The following ACVR1B variants were observed in gnomAD, a reference collection of about 807,000 sequenced individuals.
The protein encoded by ACVR1B is activin receptor type-1B.
A neutral mutation model predicts 55.6 loss-of-function variants in ACVR1B; 15 were observed. That is an observed-to-expected ratio of 0.27 (90% CI 0.18 to 0.42). The LOEUF is 0.42. ACVR1B is among the 10% of genes least tolerant of loss of function. The pLI, the probability that ACVR1B is intolerant of heterozygous loss-of-function variation, is 1.00. For missense variants in ACVR1B, 359 were observed against 670.1 expected, an observed-to-expected ratio of 0.54 and a Z score of 5.13; for synonymous variants, 247 against 254.6, an observed-to-expected ratio of 0.97 and a Z score of 0.28.
At chr12:51,989,737 G>T (rs554031113) in intron 7 of ACVR1B, among the ~76,000 whole-genome samples, 1 of 152,276 alleles carries the variant, frequency 6.6e-6, no homozygotes, top group African/African-American at 2.4e-5. Context: ...TGTAATCTCA[G>T]CACTTTTGGA....
rs1163944317 is a variant in ACVR1B, at chr12:51,985,297, C to T, written c.1085C>T (p.Ala362Val). 6.2e-7 allele frequency: 1 copy of T among 1,613,628 alleles called. No homozygotes were observed. Among genetic ancestry groups the T allele is most frequent in the Non-Finnish European group, 8.5e-7 (1 of 1,179,878 alleles). The change falls in exon 6 of 9, where the codon GCA (alanine) becomes GTA (valine). Residue 362 changes from alanine to valine, a missense_variant. Ala to Val is a moderately conservative substitution (Grantham distance 64). This residue lies in a region of ACVR1B where 119 missense variants were observed against 340.2 expected (regional missense o/e 0.35). Transcript: ENST00000257963. ...CTGGGCCTGGCTGTCCGTCATGATG[C>T]AGTCACTGACACCATTGACATTGCC... The part of the protein sequence containing the change: ...ADLGLAVRHD[A>V]VTDTIDIAPN...
chr12:51,976,512 C>G lies in ACVR1B; in HGVS notation c.517C>G (p.Leu173Val). The change falls in exon 3 of 9, where the codon CTC (leucine) becomes GTC (valine). Residue 173 changes from leucine to valine, a missense_variant. By Grantham distance (32) the Leu-to-Val change is conservative (BLOSUM62 1). This residue lies in a region of ACVR1B where 133 missense variants were observed against 188.2 expected (regional missense o/e 0.71). Coordinates refer to ENST00000257963, the MANE Select transcript of ACVR1B (RefSeq NM_004302.5). Reference protein sequence around the residue: ...DMEDPSCEMCLSKDKTLQDLV... With the variant: ...DMEDPSCEMCVSKDKTLQDLV... ...GGAAGATCCCTCATGTGAGATGTGT[C>G]TCTCCAAAGACAAGACGCTCCAGGA... 6.2e-7 allele frequency: 1 copy of G among 1,614,126 alleles called. No individual in the cohort carries two copies. The highest frequency in any genetic ancestry group is 8.5e-7 in the Non-Finnish European group (1 of 1,180,038).
At chr12:51,985,779 G>C (rs1942064698) in intron 6 of ACVR1B, among the ~76,000 whole-genome samples, 1 of 152,186 alleles carries the variant, frequency 6.6e-6, no homozygotes. Context: ...ACCCAGGATA[G>C]AGATTTGGGG....
At chr12:51,982,113 G>A (rs1941991947) in intron 4 of ACVR1B, among the ~76,000 whole-genome samples, 1 of 152,194 alleles carries the variant, frequency 6.6e-6, no homozygotes, top group African/African-American at 2.4e-5. Flanking sequence ...GATTAGAGGA[G>A]GTAAACACGA....
In ACVR1B at chr12:51,971,922, C is replaced by G. The variant is rs117245517; in HGVS notation, c.92-3343C>G. ...GTTCAAAGAGGTTAAATGACTTGCC[C>G]AAAGCCATGCAACTAGTTCCTGATA... On this transcript the variant is annotated intron_variant, in intron 1 of 8. Transcript: ENST00000257963. Among the ~76,000 whole-genome samples the G allele has an allele frequency of 1.8e-3, 272 of 152,260 alleles. 1 individual carries two copies. The highest frequency in any genetic ancestry group is 2.8e-3 in the Non-Finnish European group (191 of 68,016).
chr12:51,985,325 G>A lies in ACVR1B; in HGVS notation c.1113G>A (p.Pro371=), dbSNP rs779315922. ...TCACTGACACCATTGACATTGCCCCGAATCAGAGGGTGGGGACCAAACGGT... is the reference window on the plus strand; with the variant it reads ...TCACTGACACCATTGACATTGCCCCAAATCAGAGGGTGGGGACCAAACGGT... The part of the protein sequence containing the change: ...DAVTDTIDIA[P]NQRVGTKRYM... The change falls in exon 6 of 9, where the codon CCG becomes CCA. Residue 371 remains proline (P), a synonymous_variant. Coordinates refer to ENST00000257963, the MANE Select transcript of ACVR1B (RefSeq NM_004302.5). The A allele has an allele frequency of 8.1e-6, 13 of 1,612,764 alleles. No homozygotes were observed. The highest frequency in any genetic ancestry group is 6.6e-5 in the South Asian group (6 of 90,816).
Position 51,988,593 on chromosome 12 carries a change from A to T in ACVR1B, c.1261+1651A>T, listed in dbSNP as rs74411268. 1.9e-3 allele frequency among the ~76,000 whole-genome samples: 285 copies of T among 152,354 alleles called. 9 individuals carry two copies. The East Asian group carries it at 0.049, about 26-fold the overall frequency. On this transcript the variant is annotated intron_variant, in intron 7 of 8. Transcript: ENST00000257963. ...ATAATAATGCTAACATTTATTCACC[A>T]CTTGCTATGTATAAGCTCATTTAAT...
chr12:51,959,655 A>C (rs926053812), intron 1 of ACVR1B, among the ~76,000 whole-genome samples: 5 of 152,198 alleles, frequency 3.3e-5, no homozygotes, highest in Non-Finnish European at 7.3e-5. Flanking sequence ...TGATGGTGAA[A>C]ATAGGTAAAG....
intron 7 of ACVR1B, among the ~76,000 whole-genome samples, chr12:51,991,243 GAAGTT>G (rs1402184644): frequency 6.6e-6 from 1 of 152,152 alleles, no homozygotes; most frequent in Non-Finnish European, 1.5e-5. Flanking sequence ...TGTTTCCATT[GAAGTT>G]ATTTGTCTTA....
intron 7 of ACVR1B, among the ~76,000 whole-genome samples, chr12:51,990,966 C>T (rs998212127): frequency 3.9e-5 from 6 of 152,170 alleles, no homozygotes; most frequent in South Asian, 2.1e-4. Context: ...ACAGGGGTTC[C>T]TCTGTCCTTC....
intron 8 of ACVR1B, among the ~76,000 whole-genome samples, chr12:51,993,642 C>T (rs1592264452): frequency 6.6e-6 from 1 of 151,946 alleles, no homozygotes; most frequent in South Asian, 2.1e-4. Flanking sequence ...TGGTGTGTGC[C>T]TGTAGTCCCA....
Position 51,986,809 on chromosome 12 carries a change from C to T in ACVR1B, c.1137-9C>T. The stretch of plus-strand genomic sequence containing the variant: ...TCTGTGCGTGACCATGTTTGTTTTG[C>T]TATTGCAGATACATGGCCCCTGAAG... On this transcript the variant is annotated splice_polypyrimidine_tract_variant and intron_variant, in intron 6 of 8. Coordinates refer to ENST00000257963, the MANE Select transcript of ACVR1B (RefSeq NM_004302.5). The T allele has an allele frequency of 6.2e-7, 1 of 1,604,736 alleles. No homozygotes were observed. Among genetic ancestry groups the T allele is most frequent in the South Asian group, 1.1e-5 (1 of 89,924 alleles).
At chr12:51,986,143 A>G (rs1942071647) in intron 6 of ACVR1B, among the ~76,000 whole-genome samples, 1 of 152,238 alleles carries the variant, frequency 6.6e-6, no homozygotes, top group African/African-American at 2.4e-5. Flanking sequence ...TACATTCAAT[A>G]AAGTGAAGGA....
rs1002272733 is a variant in ACVR1B at position 51,976,271 on chromosome 12, C to T, written c.332-56C>T. On this transcript the variant is annotated intron_variant, in intron 2 of 8. Coordinates refer to ENST00000257963, the MANE Select transcript of ACVR1B (RefSeq NM_004302.5). Reference sequence around the variant, plus strand: ...CTTCACTTTGAGGGGGGTGTTTTTACTCTTTCCCTTGTTTTTACTTCTCAT... The same window carrying T: ...CTTCACTTTGAGGGGGGTGTTTTTATTCTTTCCCTTGTTTTTACTTCTCAT... 2.5e-6 allele frequency: 4 copies of T among 1,604,254 alleles called. No individual in the cohort carries two copies. The African/African-American group carries it at 5.4e-5, about 22-fold the overall frequency.
chr12:51,983,436 T>A (rs1423396412), intron 4 of ACVR1B, among the ~76,000 whole-genome samples: 2 of 152,208 alleles, frequency 1.3e-5, no homozygotes, highest in Non-Finnish European at 2.9e-5. Flanking sequence ...ATAAAGGAGA[T>A]CTTTCCTACT....
intron 3 of ACVR1B, among the ~76,000 whole-genome samples, chr12:51,980,573 C>G (rs1465646060): frequency 6.6e-6 from 1 of 152,172 alleles, no homozygotes; most frequent in East Asian, 1.9e-4. Flanking sequence ...CCCACACTTT[C>G]ATGTTCTCTG....
chr12:51,979,482 AAG>A (rs61238915), intron 3 of ACVR1B, among the ~76,000 whole-genome samples: 2,531 of 151,202 alleles, frequency 0.017, 19 homozygotes, highest in Non-Finnish European at 0.021. Context: ...AAAAAAAAAA[AAG>A]GAGTCTTGAA....
Position 51,996,061 on chromosome 12 carries a change from G to T in ACVR1B, c.*1951G>T, listed in dbSNP as rs1401090990. On this transcript the variant is annotated 3_prime_UTR_variant, in exon 9 of 9. Coordinates refer to ENST00000257963, the MANE Select transcript of ACVR1B (RefSeq NM_004302.5). ...TTGAGACCAGAAGGTTTCATAATTG[G>T]TTCTACGACCCTTTTGAGCCTAGAA... is the stretch of plus-strand genomic sequence containing the variant. 1 of 152,160 alleles carries T rather than the reference G, an allele frequency of 6.6e-6. No individual in the cohort carries two copies. The highest frequency in any genetic ancestry group is 6.5e-5 in the Admixed American group (1 of 15,280). 9.4% of individuals were successfully genotyped at this position (152,160 alleles called of 1,614,324 possible). A position where few individuals can be genotyped will look rare whatever the true frequency, so the allele number is the denominator to read the frequency against.
chr12:51,967,488 G>C (rs557262352), intron 1 of ACVR1B, among the ~76,000 whole-genome samples: 1 of 152,144 alleles, frequency 6.6e-6, no homozygotes, highest in Admixed American at 6.5e-5. Context: ...GAACCCAGGA[G>C]GCAATGGTTG....
Sources: gnomAD v4.1 joint callset for allele counts (sites outside exome capture counted in the v4.1 genomes callset) on GRCh38, gnomAD v4.1.1 for gene constraint, gnomAD v4.1.1 regional missense constraint, MANE v1.5 for transcripts, NCBI Gene and HGNC (gene_info 2026-07-23, HGNC 2026-07-21) for gene names.